CAMTA1: variants seen among roughly 807,000 people sequenced by gnomAD.
CAMTA1 encodes the protein calmodulin-binding transcription activator 1.
Under a neutral mutation model 170.9 loss-of-function variants are expected in CAMTA1, and 27 were observed. The observed-to-expected ratio is 0.16, with a 90% CI of 0.12 to 0.22. CAMTA1 has a LOEUF of 0.22. Ranked by LOEUF, CAMTA1 falls within the 10% of genes least tolerant of loss-of-function variation. CAMTA1 has a pLI of 1.00. For missense variants in CAMTA1, 1,619 were observed against 2,217.2 expected, an observed-to-expected ratio of 0.73 and a Z score of 5.42; for synonymous variants, 833 against 891.5, an observed-to-expected ratio of 0.93 and a Z score of 1.17.
intron 6 of CAMTA1, among the ~76,000 whole-genome samples, chr1:7,603,821 C>A: frequency 6.6e-6 from 1 of 152,222 alleles, no homozygotes; most frequent in East Asian, 1.9e-4. Context: ...TGGCTGGTAC[C>A]AGTTGTTCCT....
At chr1:7,270,291 AT>A (rs34768255) in intron 5 of CAMTA1, among the ~76,000 whole-genome samples, 10,501 of 110,394 alleles carry the variant, frequency 0.095, 662 homozygotes, top group African/African-American at 0.18. Context: ...ATATATATAT[AT>A]TTTTTTTTTT....
rs2095769934 is a variant in CAMTA1 at position 7,642,386 on chromosome 1, C to T, written c.664+1833C>T. ...GAGCAGAGGACAGAAGCTGCAGTGT[C>T]CTGGCTCTGGGAGCCGGGGCTGCTG... is the stretch of plus-strand genomic sequence containing the variant. On this transcript the variant is annotated intron_variant, in intron 7 of 22. Coordinates refer to ENST00000303635, the MANE Select transcript of CAMTA1 (RefSeq NM_015215.4). This position sits in a 1 kb window ranked among gnomAD's most constrained non-coding sequence, Gnocchi z 6.3. Among the ~76,000 whole-genome samples, 1 of 152,176 alleles carries T rather than the reference C, an allele frequency of 6.6e-6. No individual in the cohort carries two copies. The highest frequency in any genetic ancestry group is 1.5e-5 in the Non-Finnish European group (1 of 68,016).
At chr1:7,535,468 T>G (rs557136121) in intron 6 of CAMTA1, among the ~76,000 whole-genome samples, 2 of 152,246 alleles carry the variant, frequency 1.3e-5, no homozygotes, top group South Asian at 4.1e-4. Flanking sequence ...AAGTAAAACT[T>G]GGAGGGGCTC....
intron 3 of CAMTA1, among the ~76,000 whole-genome samples, chr1:6,919,838 G>A (rs941852046): frequency 6.6e-5 from 10 of 152,038 alleles, no homozygotes; most frequent in African/African-American, 1.7e-4. Context: ...AGACTTATTC[G>A]CTATTACGAG....
At chr1:7,117,504 T>C (rs1307019806) in intron 4 of CAMTA1, among the ~76,000 whole-genome samples, 1 of 152,038 alleles carries the variant, frequency 6.6e-6, no homozygotes, top group Non-Finnish European at 1.5e-5. Context: ...TCCTAGCACT[T>C]ACCAGTTTCC....
Position 7,286,155 on chromosome 1 carries a change from C to T in CAMTA1, c.438+36529C>T, listed in dbSNP as rs1452903482. Among the ~76,000 whole-genome samples the T allele has an allele frequency of 6.6e-6, 1 of 152,068 alleles. No individual in the cohort carries two copies. The highest frequency in any genetic ancestry group is 6.5e-5 in the Admixed American group (1 of 15,276). ...CCTGCGTGCTGAGGGGATGAGTGAG[C>T]CTGCTGGTGGGGGGCAGAGAGGAAA... On this transcript the variant is annotated intron_variant, in intron 5 of 22. Coordinates refer to ENST00000303635, the MANE Select transcript of CAMTA1 (RefSeq NM_015215.4). The surrounding 1 kb of genome is among the most constrained non-coding windows in gnomAD (Gnocchi z 4.2).
chr1:7,098,122 C>T (rs1003740488), intron 4 of CAMTA1, among the ~76,000 whole-genome samples: 2 of 108,652 alleles, frequency 1.8e-5, no homozygotes, highest in African/African-American at 6.8e-5. Flanking sequence ...TGTGTGTGTG[C>T]ACGTGCGCGT....
chr1:6,813,714 T>G (rs1161480483), intron 1 of CAMTA1, among the ~76,000 whole-genome samples: 1 of 152,056 alleles, frequency 6.6e-6, no homozygotes, highest in East Asian at 1.9e-4. Context: ...CTTGAACTCC[T>G]GGGCTCAAAC....
intron 5 of CAMTA1, among the ~76,000 whole-genome samples, chr1:7,432,412 T>G (rs1382969641): frequency 6.6e-6 from 1 of 152,132 alleles, no homozygotes; most frequent in East Asian, 1.9e-4. Context: ...GTGTTTAACA[T>G]AATTTAGAGG....
intron 4 of CAMTA1, among the ~76,000 whole-genome samples, chr1:7,127,004 C>T (rs537313127): frequency 6.6e-6 from 1 of 152,190 alleles, no homozygotes; most frequent in South Asian, 2.1e-4. Context: ...CTCCTGACCT[C>T]ATGATCCACC....
chr1:7,306,468 G>A (rs1004950739), intron 5 of CAMTA1, among the ~76,000 whole-genome samples: 5 of 151,784 alleles, frequency 3.3e-5, no homozygotes, highest in Non-Finnish European at 7.4e-5. Context: ...TTTCTATTAT[G>A]TCTCTTGTGT....
intron 5 of CAMTA1, among the ~76,000 whole-genome samples, chr1:7,329,167 G>T (rs2082872672): frequency 6.7e-6 from 1 of 150,328 alleles, no homozygotes; most frequent in South Asian, 2.1e-4. Flanking sequence ...TTAAGTCAAA[G>T]AAGTTGAAGT....
intron 3 of CAMTA1, among the ~76,000 whole-genome samples, chr1:7,061,640 C>T (rs570576166): frequency 4.0e-5 from 6 of 148,980 alleles, no homozygotes; most frequent in South Asian, 4.3e-4. Context: ...CTGTCAGCGG[C>T]GGAAACCAGC....
intron 19 of CAMTA1, chr1:7,749,655 A>G (rs542805130): frequency 4.1e-4 from 152 of 372,756 alleles, no homozygotes; most frequent in Non-Finnish European, 7.0e-4. Context: ...AGGCATTAAT[A>G]TAGCCAGGTT....
intron 3 of CAMTA1, among the ~76,000 whole-genome samples, chr1:6,851,350 G>A (rs1660299646): frequency 3.3e-5 from 5 of 152,116 alleles, no homozygotes; most frequent in African/African-American, 7.2e-5. Flanking sequence ...CAAATGTTCA[G>A]AATGAAATAT....
intron 11 of CAMTA1, among the ~76,000 whole-genome samples, chr1:7,729,289 T>C (rs1157697881): frequency 6.6e-6 from 1 of 152,014 alleles, no homozygotes; most frequent in African/African-American, 2.4e-5. Context: ...GCTAGCTTTT[T>C]TTGTGTTTTT....
rs2093132958 is a variant in CAMTA1 at position 7,463,250 on chromosome 1, A to G, written c.439-4580A>G. Among the ~76,000 whole-genome samples the G allele has an allele frequency of 6.6e-6, 1 of 152,252 alleles. No individual in the cohort carries two copies. The highest frequency in any genetic ancestry group is 2.4e-5 in the African/African-American group (1 of 41,560). On this transcript the variant is annotated intron_variant, in intron 5 of 22. Coordinates refer to ENST00000303635, the MANE Select transcript of CAMTA1 (RefSeq NM_015215.4). The surrounding 1 kb of genome is among the most constrained non-coding windows in gnomAD (Gnocchi z 4.7). ...TGCTGAATCCTCTGCGGCTTCCCCCAGGCAGGGCATGGGAGGTGGAAGGAA... is the reference window on the plus strand; with the variant it reads ...TGCTGAATCCTCTGCGGCTTCCCCCGGGCAGGGCATGGGAGGTGGAAGGAA...
intron 3 of CAMTA1, among the ~76,000 whole-genome samples, chr1:7,078,823 G>A (rs1018788032): frequency 6.6e-6 from 1 of 152,204 alleles, no homozygotes; most frequent in African/African-American, 2.4e-5. Context: ...TATCTTCAGG[G>A]AGGTATTCCA....
intron 4 of CAMTA1, among the ~76,000 whole-genome samples, chr1:7,128,587 C>T (rs1645065951): frequency 6.6e-6 from 1 of 151,972 alleles, no homozygotes; most frequent in South Asian, 2.1e-4. Flanking sequence ...GCCTTTTAGC[C>T]ATGGTAAGGA....
Sources: gnomAD v4.1 joint callset for allele counts (sites outside exome capture counted in the v4.1 genomes callset) on GRCh38, gnomAD v4.1.1 for gene constraint, Gnocchi (gnomAD v3.1) non-coding constraint, MANE v1.5 for transcripts, NCBI Gene and HGNC (gene_info 2026-07-23, HGNC 2026-07-21) for gene names.